EVI5: variants seen among roughly 807,000 people sequenced by gnomAD.
EVI5 encodes the protein ecotropic viral integration site 5 protein homolog.
Under a neutral mutation model 112.0 loss-of-function variants are expected in EVI5, and 73 were observed. The ratio of observed to expected loss-of-function variants is 0.65; its 90% CI spans 0.54 to 0.79. The LOEUF is 0.79. Among genes scored for constraint, EVI5 ranks in the 30% least tolerant of loss-of-function variants. EVI5 has a pLI of 0.00. For missense variants in EVI5, 900 were observed against 968.8 expected, an observed-to-expected ratio of 0.93 and a Z score of 0.94; for synonymous variants, 305 against 319.9, an observed-to-expected ratio of 0.95 and a Z score of 0.50.
intron 10 of EVI5, among the ~76,000 whole-genome samples, 183 bp from the exon 11 acceptor site, chr1:92,666,175 C>T (rs1426472295): frequency 4.6e-5 from 7 of 151,968 alleles, no homozygotes; most frequent in Non-Finnish European, 7.4e-5. Flanking sequence ...CCATGGTTCA[C>T]GCCTGTAATC....
At chr1:92,616,110 T>C (rs746188187) in intron 16 of EVI5, among the ~76,000 whole-genome samples, 1 of 152,152 alleles carries the variant, frequency 6.6e-6, no homozygotes, top group Non-Finnish European at 1.5e-5. Context: ...AAACGCCTGA[T>C]CTCCCTTGGT....
chr1:92,593,683 C>A (rs967998142), intron 18 of EVI5, among the ~76,000 whole-genome samples: 10 of 152,128 alleles, frequency 6.6e-5, no homozygotes, highest in African/African-American at 1.7e-4. Flanking sequence ...ATCGTCTCAG[C>A]CCAAAATCTC....
intron 5 of EVI5, among the ~76,000 whole-genome samples, chr1:92,701,595 TA>T (rs993236965): frequency 5.9e-5 from 9 of 152,102 alleles, no homozygotes; most frequent in African/African-American, 2.2e-4. Flanking sequence ...AAGCTATGAT[TA>T]TCCTACCCCC....
At chr1:92,566,068 T>G (rs10747444) in intron 18 of EVI5, among the ~76,000 whole-genome samples, 1 of 151,742 alleles carries the variant, frequency 6.6e-6, no homozygotes, top group Non-Finnish European at 1.5e-5. Context: ...ACCCAAATTG[T>G]ATCTCTAACT....
At chr1:92,632,803 G>A (rs931856799) in intron 14 of EVI5, among the ~76,000 whole-genome samples, 1 of 152,050 alleles carries the variant, frequency 6.6e-6, no homozygotes, top group Non-Finnish European at 1.5e-5. Flanking sequence ...TTTCTCTTGT[G>A]GGCATTTAGT....
At position 92,539,555 on chromosome 1, in the gene EVI5, A is replaced by C. The variant is rs1403966645; in HGVS notation, c.2166+24087T>G. ...TAGACTCCATCTCAAAAAAAAAAAA[A>C]AAAAAAAAAAATCTTGAACCCATTC... On this transcript the variant is annotated intron_variant, in intron 19 of 19. Coordinates refer to ENST00000684568, the MANE Select transcript of EVI5 (RefSeq NM_001350197.2). Among the ~76,000 whole-genome samples the C allele has an allele frequency of 3.4e-4, 18 of 52,352 alleles. 1 individual carries two copies. Among genetic ancestry groups the C allele is most frequent in the Admixed American group, 2.3e-4 (1 of 4,380 alleles). The allele number at this position is 52,352 out of a possible 152,430, so 34.3% of individuals were successfully genotyped here.
At chr1:92,634,852 G>T (rs1269635958) in intron 14 of EVI5, among the ~76,000 whole-genome samples, 1 of 152,174 alleles carries the variant, frequency 6.6e-6, no homozygotes, top group East Asian at 1.9e-4. Context: ...TACAGATGGG[G>T]TTTTGGTGTG....
In EVI5 at chr1:92,572,055, C is replaced by T. The variant is rs535034921; in HGVS notation, c.2071-8318G>A. Among the ~76,000 whole-genome samples, 4 of 152,210 alleles carry T rather than the reference C, an allele frequency of 2.6e-5. No individual in the cohort carries two copies. The East Asian group carries it at 7.7e-4, about 29-fold the overall frequency. On this transcript the variant is annotated intron_variant, in intron 18 of 19. Transcript: ENST00000684568. The stretch of plus-strand genomic sequence containing the variant: ...GTGTAAAAGGTGTAAATGCATATTT[C>T]ACTCTTGGTTCTATCTTTGAATAAT...
At chr1:92,584,350 T>C (rs919912803) in intron 18 of EVI5, among the ~76,000 whole-genome samples, 2 of 152,222 alleles carry the variant, frequency 1.3e-5, no homozygotes, top group Admixed American at 6.5e-5. Flanking sequence ...ATACAAATTT[T>C]AAGTTCTACA....
chr1:92,706,749 G>C (rs183396835), intron 2 of EVI5, among the ~76,000 whole-genome samples: 3 of 152,252 alleles, frequency 2.0e-5, no homozygotes, highest in African/African-American at 4.8e-5. Flanking sequence ...ATTATACAAA[G>C]CTGTGAGGAA....
intron 1 of EVI5, chr1:92,749,381 A>G (rs1679837890): frequency 5.9e-6 from 1 of 169,110 alleles, no homozygotes; most frequent in South Asian, 1.6e-4. Flanking sequence ...CAATATGAAC[A>G]TATAAGCCTG....
At chr1:92,706,504 T>C (rs1432841049) in intron 2 of EVI5, among the ~76,000 whole-genome samples, 3 of 152,228 alleles carry the variant, frequency 2.0e-5, no homozygotes, top group Non-Finnish European at 4.4e-5. Flanking sequence ...AACAGAGATA[T>C]GCAGTTCAAA....
intron 19 of EVI5, among the ~76,000 whole-genome samples, chr1:92,547,680 A>T (rs1666004913): frequency 6.6e-6 from 1 of 152,256 alleles, no homozygotes. Flanking sequence ...CACCGATCCC[A>T]CATACATACA....
At chr1:92,733,904 C>T (rs1676902578) in intron 2 of EVI5, among the ~76,000 whole-genome samples, 1 of 152,144 alleles carries the variant, frequency 6.6e-6, no homozygotes, top group Non-Finnish European at 1.5e-5. Context: ...CATCTTCACT[C>T]CAGGATCAAA....
At position 92,535,460 on chromosome 1, in the gene EVI5, C is replaced by G. The variant is rs12043529; in HGVS notation, c.2167-21490G>C. On this transcript the variant is annotated intron_variant, in intron 19 of 19. Transcript: ENST00000684568. Reference sequence around the variant, plus strand: ...TCTACTATAAAGACACATGCACACACATGTTTACTGCGGCACTGTTCATGA... The same window carrying G: ...TCTACTATAAAGACACATGCACACAGATGTTTACTGCGGCACTGTTCATGA... Among the ~76,000 whole-genome samples, 59 of 152,210 alleles carry G rather than the reference C, an allele frequency of 3.9e-4. 1 individual carries two copies. The East Asian group carries it at 0.011, about 29-fold the overall frequency.
intron 19 of EVI5, among the ~76,000 whole-genome samples, chr1:92,520,789 T>G (rs1660770065): frequency 6.6e-6 from 1 of 151,056 alleles, no homozygotes; most frequent in African/African-American, 2.4e-5. Flanking sequence ...AGGTCAAGGC[T>G]GCAGTGAGCT....
chr1:92,720,190 G>A (rs1458199437), intron 2 of EVI5, among the ~76,000 whole-genome samples: 2 of 151,920 alleles, frequency 1.3e-5, no homozygotes, highest in Non-Finnish European at 2.9e-5. Flanking sequence ...AAGTTCATAT[G>A]GAACCAAAAA....
chr1:92,734,833 C>CA (rs1269731683), intron 2 of EVI5, among the ~76,000 whole-genome samples: 1 of 151,980 alleles, frequency 6.6e-6, no homozygotes, highest in African/African-American at 2.4e-5. Flanking sequence ...AGCAAATAAT[C>CA]AAATTTTTTT....
chr1:92,589,495 C>T (rs12073693), intron 18 of EVI5, among the ~76,000 whole-genome samples: 87,474 of 152,048 alleles, frequency 0.58, 26,961 homozygotes, highest in East Asian at 0.92. Context: ...GAGGGTCCTA[C>T]GCCCACAGAG....
Sources: allele counts gnomAD v4.1 joint callset (sites outside exome capture counted in the v4.1 genomes callset), GRCh38; gene constraint gnomAD v4.1.1; transcripts MANE v1.5; gene names NCBI Gene and HGNC (gene_info 2026-07-23, HGNC 2026-07-21).